CACNA1S: variants seen among roughly 807,000 people sequenced by gnomAD.
The protein encoded by CACNA1S is voltage-dependent L-type calcium channel subunit alpha-1S.
In CACNA1S, 126 loss-of-function variants were observed where a neutral mutation model predicts 207.4. That is an observed-to-expected ratio of 0.61 (90% CI 0.53 to 0.70). The LOEUF (loss-of-function observed/expected upper bound fraction) is 0.70. CACNA1S is among the 30% of genes least tolerant of loss of function. The pLI is 0.00. For synonymous variants in CACNA1S, 960 were observed against 932.7 expected, an observed-to-expected ratio of 1.03 and a Z score of -0.53; for missense variants, 2,349 against 2,422.8, an observed-to-expected ratio of 0.97 and a Z score of 0.64.
chr1:201,047,333 C>G, intron 37 of CACNA1S, 94 bp from the exon 38 acceptor site: 4 of 1,542,352 alleles, frequency 2.6e-6, no homozygotes, highest in Non-Finnish European at 3.6e-6. Flanking sequence ...CCCGGGCATG[C>G]AAGCAATCCT....
chr1:201,094,836 C>T (rs1008713916), intron 2 of CACNA1S, among the ~76,000 whole-genome samples: 10 of 152,098 alleles, frequency 6.6e-5, no homozygotes, highest in African/African-American at 2.2e-4. Flanking sequence ...GGCCGACACT[C>T]CAGGACCTGT....
chr1:201,111,899 A>C (rs1477724336), intron 1 of CACNA1S, among the ~76,000 whole-genome samples: 1 of 64,596 alleles, frequency 1.5e-5, no homozygotes, highest in Non-Finnish European at 3.2e-5. Flanking sequence ...AGCCCCACCA[A>C]GTCCTCCTTC....
chr1:201,048,815 C>G, intron 35 of CACNA1S, 131 bp from the exon 36 acceptor site: 1 of 866,928 alleles, frequency 1.2e-6, no homozygotes, highest in East Asian at 2.5e-5. Context: ...ACCAGGACAT[C>G]CTTTGTGAGG....
rs1021951429 is a variant in CACNA1S, at chr1:201,069,119, C to A, written c.2550+18G>T. On this transcript the variant is annotated intron_variant, in intron 19 of 43. Coordinates refer to ENST00000362061, the MANE Select transcript of CACNA1S (RefSeq NM_000069.3). ...AGGGAAACTCCCTCCCCAGGGCTGC[C>A]CCACAGCCTTCACTCACCTTGAGGA... The A allele has an allele frequency of 1.9e-6, 3 of 1,611,234 alleles. No homozygotes were observed. Among genetic ancestry groups the A allele is most frequent in the Non-Finnish European group, 2.5e-6 (3 of 1,177,538 alleles).
intron 10 of CACNA1S, among the ~76,000 whole-genome samples, chr1:201,079,865 G>C (rs909549829): frequency 6.6e-6 from 1 of 152,128 alleles, no homozygotes; most frequent in Non-Finnish European, 1.5e-5. Context: ...TGTATAGTAA[G>C]TTTCCCCAAC....
At chr1:201,096,745 GTCTA>G (rs1662446688) in intron 2 of CACNA1S, among the ~76,000 whole-genome samples, 1 of 152,142 alleles carries the variant, frequency 6.6e-6, no homozygotes, top group Non-Finnish European at 1.5e-5. Flanking sequence ...CCTTGTAAGT[GTCTA>G]CCCCTGCCTG....
rs751069827 is a variant in CACNA1S, at chr1:201,091,694, C to T, written c.640G>A (p.Gly214Arg). The change falls in exon 5 of 44, where the codon GGG (glycine) becomes AGG (arginine). Residue 214 changes from glycine to arginine, a missense_variant. Coordinates refer to ENST00000362061, the MANE Select transcript of CACNA1S (RefSeq NM_000069.3). ...ATCTTGCCCTTGAAGAGCTCCAGCC[C>T]GATGATGGCATAGATGATGACCATA... ...LFMVIIYAII[G>R]LELFKGKMHK... is the part of the protein sequence containing the mutation. 1.3e-5 allele frequency: 21 copies of T among 1,613,990 alleles called. No individual in the cohort carries two copies. The highest frequency in any genetic ancestry group is 1.6e-5 in the Non-Finnish European group (19 of 1,180,020).
chr1:201,083,777 T>C (rs931388583), intron 9 of CACNA1S, among the ~76,000 whole-genome samples: 7 of 152,236 alleles, frequency 4.6e-5, no homozygotes, highest in Non-Finnish European at 1.0e-4. Context: ...TATGCTCTGT[T>C]TATTAATGTT....
intron 14 of CACNA1S, 120 bp downstream of exon 14, chr1:201,074,386 G>A: frequency 1.4e-6 from 1 of 720,210 alleles, no homozygotes; most frequent in Non-Finnish European, 2.5e-6. Context: ...TGCCCACTGA[G>A]GTGGGTGTCA....
At chr1:201,040,485 G>A in intron 42 of CACNA1S, 111 bp from the exon 43 acceptor site, 2 of 1,456,538 alleles carry the variant, frequency 1.4e-6, no homozygotes, top group East Asian at 2.3e-5. Context: ...AGAAAGGGGA[G>A]GATGGAGGGA....
At position 201,077,123 on chromosome 1, in the gene CACNA1S, A is replaced by G; in HGVS notation, c.1624T>C (p.Trp542Arg). Residue 542 changes from tryptophan (W) to arginine (R), a missense_variant, in exon 12 of 44, where the codon TGG becomes CGG. Coordinates refer to ENST00000362061, the MANE Select transcript of CACNA1S (RefSeq NM_000069.3). ...LLRIFKITKYWTSLSNLVASL... is the reference protein window; with the variant it reads ...LLRIFKITKYRTSLSNLVASL... ...GCCACCAGGTTGCTCAGCGACGTCC[A>G]ATATCTGAAGGAAGAGGAGGCACAA... 6.2e-7 allele frequency: 1 copy of G among 1,613,938 alleles called. No individual in the cohort carries two copies. Among genetic ancestry groups the G allele is most frequent in the Non-Finnish European group, 8.5e-7 (1 of 1,179,854 alleles).
chr1:201,087,694 C>G lies in CACNA1S; in HGVS notation c.1004+132G>C. 4.3e-6 allele frequency: 3 copies of G among 692,132 alleles called. No individual in the cohort carries two copies. In the South Asian group the frequency reaches 5.0e-5, roughly 12 times the overall value. The allele number at this position is 692,132 out of a possible 1,614,324, so 42.9% of individuals were successfully genotyped here. A position where few individuals can be genotyped will look rare whatever the true frequency, so the allele number is the denominator to read the frequency against. On this transcript the variant is annotated intron_variant, in intron 7 of 43. Coordinates refer to ENST00000362061, the MANE Select transcript of CACNA1S (RefSeq NM_000069.3). ...CCCTGCTCCACTCCTTCCTCCTCCT[C>G]CCTTCTCTCCTCCTCCTCTCCACTC...
chr1:201,106,508 C>T (rs1033138287), intron 2 of CACNA1S, among the ~76,000 whole-genome samples: 6 of 152,108 alleles, frequency 3.9e-5, no homozygotes, highest in Non-Finnish European at 7.3e-5. Flanking sequence ...TAATGGGGGG[C>T]CCAGTACAAG....
rs775728213 is a variant in CACNA1S, at chr1:201,076,953, G to A, written c.1794C>T (p.Asp598=). The A allele has an allele frequency of 6.2e-7, 1 of 1,614,246 alleles. No homozygotes were observed. The highest frequency in any genetic ancestry group is 8.5e-7 in the Non-Finnish European group (1 of 1,180,042). The change falls in exon 12 of 44, where the codon GAC becomes GAT. Residue 598 remains aspartate, a synonymous_variant. Transcript: ENST00000362061. ...CGCTGATGAGGGCTTGGGGAAAGTT[G>A]TCAAAGTTGCTGCGCCGTACTTCTG... ...EDTEVRRSNF[D]NFPQALISVF...
At chr1:201,071,040 G>A (rs1051545673) in intron 16 of CACNA1S, among the ~76,000 whole-genome samples, 4 of 152,160 alleles carry the variant, frequency 2.6e-5, no homozygotes, top group African/African-American at 9.7e-5. Flanking sequence ...GACATTCCAA[G>A]CACATTCACT....
At chr1:201,062,900 A>T (rs933439808) in intron 22 of CACNA1S, among the ~76,000 whole-genome samples, 1 of 152,218 alleles carries the variant, frequency 6.6e-6, no homozygotes, top group African/African-American at 2.4e-5. Flanking sequence ...TACCTCCCGC[A>T]CTGCTGCAGG....
chr1:201,079,859 T>C (rs1298189065), intron 10 of CACNA1S, among the ~76,000 whole-genome samples: 1 of 152,172 alleles, frequency 6.6e-6, no homozygotes, highest in African/African-American at 2.4e-5. Context: ...ACATTCTGTA[T>C]AGTAAGTTTC....
At chr1:201,075,637 G>T in intron 12 of CACNA1S, 22 bp from the exon 13 acceptor site, 1 of 1,613,374 alleles carries the variant, frequency 6.2e-7, no homozygotes, top group Non-Finnish European at 8.5e-7. Flanking sequence ...GAGGATAGAG[G>T]GCTCGGGAAC....
intron 14 of CACNA1S, among the ~76,000 whole-genome samples, chr1:201,074,185 T>C (rs935304398): frequency 6.6e-6 from 1 of 152,274 alleles, no homozygotes; most frequent in African/African-American, 2.4e-5. Flanking sequence ...CCCAGAGGCA[T>C]AGCGACTCAG....
Sources: allele counts gnomAD v4.1 joint callset (sites outside exome capture counted in the v4.1 genomes callset), GRCh38; gene constraint gnomAD v4.1.1; transcripts MANE v1.5; gene names NCBI Gene and HGNC (gene_info 2026-07-23, HGNC 2026-07-21).